Variants in RBM33 observed in about 807,000 individuals in gnomAD.
The protein encoded by RBM33 is RNA-binding protein 33.
RBM33 carries 28 observed loss-of-function variants against 132.6 expected under a neutral mutation model. That is an observed-to-expected ratio of 0.21 (90% CI 0.16 to 0.29). The LOEUF (loss-of-function observed/expected upper bound fraction) is 0.29, where lower values mean the gene tolerates loss of function less well. Ranked by LOEUF, RBM33 falls within the 10% of genes least tolerant of loss-of-function variation. The pLI is 1.00. For missense variants in RBM33, 1,291 were observed against 1,518.5 expected (o/e 0.85, Z 2.49); for synonymous variants, 634 against 593.0 (o/e 1.07, Z -1.01).
chr7:155,755,602 A>G (rs1327889671), intron 14 of RBM33, among the ~76,000 whole-genome samples: 1 of 152,250 alleles, frequency 6.6e-6, no homozygotes, highest in Non-Finnish European at 1.5e-5. Flanking sequence ...TCTGATAGGT[A>G]TAATCAAGAG....
rs1802580595 is a variant in RBM33, at chr7:155,775,640, GCTT to G, written c.*603_*605del. On this transcript the variant is annotated 3_prime_UTR_variant, in exon 18 of 18. Coordinates refer to ENST00000401878, the MANE Select transcript of RBM33 (RefSeq NM_053043.3). ...TGGTGCCAGTTGAACAGCAGATTCTGCTTCTTGTCACTGTTTCAAAAGCGTCAA... is the reference window on the plus strand; with the variant it reads ...TGGTGCCAGTTGAACAGCAGATTCTGCTTGTCACTGTTTCAAAAGCGTCAA... The G allele has an allele frequency of 6.3e-6, 1 of 157,656 alleles. No individual in the cohort carries two copies. Among genetic ancestry groups the G allele is most frequent in the Non-Finnish European group, 1.4e-5 (1 of 70,972 alleles). 9.8% of individuals were successfully genotyped at this position (157,656 alleles called of 1,614,324 possible).
In RBM33 at chr7:155,711,218, C is replaced by A. The variant is rs771178976; in HGVS notation, c.964C>A (p.Pro322Thr). The change falls in exon 8 of 18, where the codon CCA becomes ACA. Residue 322 changes from proline (P) to threonine (T), a missense_variant. Transcript: ENST00000401878. ...QPPVVPQAPP[P>T]PPPPPQQQPI... ...TCCTCCACAGCCCCAGGCTCCCCCTCCACCGCCACCGCCGCCTCAGCAGCA... is the reference window on the plus strand; with the variant it reads ...TCCTCCACAGCCCCAGGCTCCCCCTACACCGCCACCGCCGCCTCAGCAGCA... 1.1e-5 allele frequency: 17 copies of A among 1,574,828 alleles called. No individual in the cohort carries two copies. In the South Asian group the frequency reaches 1.7e-4, roughly 16 times the overall value.
intron 5 of RBM33, among the ~76,000 whole-genome samples, chr7:155,684,353 G>A (rs556499144): frequency 6.6e-6 from 1 of 152,198 alleles, no homozygotes; most frequent in East Asian, 1.9e-4. Flanking sequence ...CTGCAGTTGC[G>A]GTCGTCTCCA....
chr7:155,657,040 C>T (rs1404419206), intron 1 of RBM33, among the ~76,000 whole-genome samples: 1 of 150,588 alleles, frequency 6.6e-6, no homozygotes, highest in Non-Finnish European at 1.5e-5. Flanking sequence ...AAATAGTTGT[C>T]GAGTGAAGGA....
chr7:155,748,921 A>C (rs1563174854), intron 14 of RBM33, among the ~76,000 whole-genome samples: 1 of 152,110 alleles, frequency 6.6e-6, no homozygotes, highest in Non-Finnish European at 1.5e-5. Context: ...ATGCAGATTC[A>C]AGGGCTATTG....
At chr7:155,700,046 A>G (rs1799913251) in intron 5 of RBM33, among the ~76,000 whole-genome samples, 1 of 152,238 alleles carries the variant, frequency 6.6e-6, no homozygotes, top group African/African-American at 2.4e-5. Context: ...GGCAGTAAGA[A>G]TTGTCCACAA....
intron 11 of RBM33, chr7:155,739,271 CA>C (rs1296128880): frequency 6.5e-6 from 1 of 153,166 alleles, no homozygotes; most frequent in African/African-American, 2.4e-5. Flanking sequence ...ATCTTCTCGC[CA>C]CCTGCTTTTT....
At chr7:155,664,197 G>A (rs1798732886) in intron 1 of RBM33, among the ~76,000 whole-genome samples, 2 of 152,020 alleles carry the variant, frequency 1.3e-5, no homozygotes, top group Admixed American at 1.3e-4. Context: ...AAAATATGCT[G>A]TTAATATTTC....
intron 14 of RBM33, among the ~76,000 whole-genome samples, chr7:155,761,838 G>A (rs572100456): frequency 2.6e-5 from 4 of 152,046 alleles, no homozygotes; most frequent in South Asian, 2.1e-4. Context: ...TTTTGAGGAC[G>A]GGGGACTAGC....
chr7:155,646,127 T>G (rs1184619356), intron 1 of RBM33, among the ~76,000 whole-genome samples: 1 of 152,220 alleles, frequency 6.6e-6, no homozygotes, highest in African/African-American at 2.4e-5. Flanking sequence ...GGGTGAACAC[T>G]CTTTTCATTA....
chr7:155,697,640 G>T (rs182330742), intron 5 of RBM33, among the ~76,000 whole-genome samples: 12 of 152,116 alleles, frequency 7.9e-5, no homozygotes, highest in African/African-American at 2.9e-4. Context: ...TTTCTGTTTA[G>T]ATTTTGGGAT....
chr7:155,675,045 G>A (rs919271494), intron 3 of RBM33, among the ~76,000 whole-genome samples: 7 of 151,988 alleles, frequency 4.6e-5, no homozygotes, highest in Non-Finnish European at 8.8e-5. Context: ...GGTGGCTCAC[G>A]CCTATAATCC....
intron 1 of RBM33, chr7:155,645,170 TAA>T: frequency 2.5e-6 from 1 of 406,332 alleles, no homozygotes; most frequent in South Asian, 4.8e-5. Flanking sequence ...CAAGGCTGCC[TAA>T]GTGTCAGGCC....
rs142905765 is a variant in RBM33 at position 155,730,742 on chromosome 7, A to G, written c.1261-6788A>G. 4.3e-3 allele frequency among the ~76,000 whole-genome samples: 658 copies of G among 152,364 alleles called. 6 individuals carry two copies. The highest frequency in any genetic ancestry group is 0.015 in the African/African-American group (623 of 41,578). ...GGCTTTTATTTTCCACTGAGTGTGG[A>G]AAAACTATCATGAGAGAATTTTCGG... On this transcript the variant is annotated intron_variant, in intron 9 of 17. Coordinates refer to ENST00000401878, the MANE Select transcript of RBM33 (RefSeq NM_053043.3).
chr7:155,702,909 C>G (rs1800009081), intron 6 of RBM33, among the ~76,000 whole-genome samples: 1 of 145,024 alleles, frequency 6.9e-6, no homozygotes. Context: ...AATTCACTTG[C>G]TAGACAACAT....
intron 5 of RBM33, 115 bp downstream of exon 5, chr7:155,681,023 T>G (rs1799323821): frequency 1.3e-6 from 1 of 788,380 alleles, no homozygotes; most frequent in African/African-American, 1.7e-5. Flanking sequence ...TTAGACCTTA[T>G]TATCACTCTC....
chr7:155,727,930 A>ATT (rs111637150), intron 9 of RBM33, among the ~76,000 whole-genome samples: 5 of 151,360 alleles, frequency 3.3e-5, no homozygotes, highest in East Asian at 1.9e-4. Context: ...TGCCTGGCTA[A>ATT]TTTTTTTTTG....
At chr7:155,672,346 G>A (rs533161853) in intron 2 of RBM33, among the ~76,000 whole-genome samples, 1 of 152,152 alleles carries the variant, frequency 6.6e-6, no homozygotes, top group East Asian at 1.9e-4. Flanking sequence ...GTATAGTGAG[G>A]CACTACCTAT....
rs199584017 is a variant in RBM33 at position 155,779,090 on chromosome 7, GT to G, written c.*4056del. 6.8e-3 allele frequency: 1,037 copies of G among 152,048 alleles called. 17 individuals are homozygous for G. Among genetic ancestry groups the G allele is most frequent in the African/African-American group, 0.024 (974 of 41,422 alleles). 9.4% of individuals were successfully genotyped at this position (152,048 alleles called of 1,614,324 possible). A position where few individuals can be genotyped will look rare whatever the true frequency, so the allele number is the denominator to read the frequency against. ...TTTCGTGGTGCTCTTCCTGGGATTC[GT>G]TTTTTTATTACCCTCCCTCCCTACT... On this transcript the variant is annotated 3_prime_UTR_variant, in exon 18 of 18. Coordinates refer to ENST00000401878, the MANE Select transcript of RBM33 (RefSeq NM_053043.3).
Sources: gnomAD v4.1 joint callset for allele counts (sites outside exome capture counted in the v4.1 genomes callset) on GRCh38, gnomAD v4.1.1 for gene constraint, MANE v1.5 for transcripts, NCBI Gene and HGNC (gene_info 2026-07-23, HGNC 2026-07-21) for gene names.